ADAMTS20: variants seen among roughly 807,000 people sequenced by gnomAD.
The protein encoded by ADAMTS20 is ADAM metallopeptidase with thrombospondin type 1 motif 20, also known as A disintegrin and metalloproteinase with thrombospondin motifs 20.
A neutral mutation model predicts 260.1 loss-of-function variants in ADAMTS20; 225 were observed. The ratio of observed to expected loss-of-function variants is 0.87; its 90% confidence interval spans 0.78 to 0.97. The LOEUF (loss-of-function observed/expected upper bound fraction) is 0.97. ADAMTS20 is among the 50% of genes least tolerant of loss of function. The pLI is 0.00. For missense variants in ADAMTS20, 2,400 were observed against 2,337.7 expected (o/e 1.03, Z -0.55); for synonymous variants, 802 against 769.5 (o/e 1.04, Z -0.70).
At chr12:43,448,412 T>G (rs925400822) in intron 14 of ADAMTS20, among the ~76,000 whole-genome samples, 2 of 152,162 alleles carry the variant, frequency 1.3e-5, no homozygotes, top group Non-Finnish European at 2.9e-5. Context: ...ATTCAATAAA[T>G]GGTGCTGGGA....
intron 28 of ADAMTS20, among the ~76,000 whole-genome samples, chr12:43,419,727 CACACACACACAA>C (rs1222946595): frequency 3.3e-5 from 5 of 151,632 alleles, no homozygotes; most frequent in Admixed American, 6.6e-5. Flanking sequence ...AACATTATAA[CACACACACACAA>C]ACACACACAC....
In ADAMTS20 at chr12:43,502,281, T is replaced by A. The variant is rs754991575; in HGVS notation, c.738A>T (p.Arg246Ser). The A allele has an allele frequency of 6.2e-7, 1 of 1,612,052 alleles. No individual in the cohort carries two copies. The highest frequency in any genetic ancestry group is 8.5e-7 in the Non-Finnish European group (1 of 1,179,348). Residue 246 changes from arginine (R) to serine (S), a missense_variant, in exon 4 of 39, where the codon AGA becomes AGT. Arg to Ser is a moderately radical substitution (Grantham distance 110). Transcript: ENST00000389420. ...TSKNVPLKDE[R>S]RHSRKKRLIS... The stretch of plus-strand genomic sequence containing the variant: ...TAAGACGTTTTTTCCTGGAATGTCT[T>A]CTTTCATCTTTCAATGGTACATTTT...
intron 3 of ADAMTS20, among the ~76,000 whole-genome samples, chr12:43,523,823 C>T (rs1204247716): frequency 6.6e-6 from 1 of 151,886 alleles, no homozygotes; most frequent in Non-Finnish European, 1.5e-5. Context: ...CAAGGACTTG[C>T]CTGACCCAGC....
At chr12:43,496,552 T>G (rs1420514308) in intron 4 of ADAMTS20, among the ~76,000 whole-genome samples, 1 of 152,202 alleles carries the variant, frequency 6.6e-6, no homozygotes, top group Non-Finnish European at 1.5e-5. Context: ...CCCTAGGCAG[T>G]CAGCAGACCT....
At chr12:43,547,779 G>A (rs567586783) in intron 2 of ADAMTS20, among the ~76,000 whole-genome samples, 2 of 152,270 alleles carry the variant, frequency 1.3e-5, no homozygotes, top group East Asian at 3.9e-4. Context: ...AATTCAGAGG[G>A]ATATACAGCA....
rs1166947792 is a variant in ADAMTS20, at chr12:43,551,930, C to A, written c.-9G>T. 1 of 1,612,894 alleles carries A rather than the reference C, an allele frequency of 6.2e-7. No individual in the cohort carries two copies. Among genetic ancestry groups the A allele is most frequent in the East Asian group, 2.2e-5 (1 of 44,848 alleles). ...CACTTGGCCACCCACATGGTTCCACCCTGGGGACCCCGATCGGGGAGGCCC... is the reference window on the plus strand; with the variant it reads ...CACTTGGCCACCCACATGGTTCCACACTGGGGACCCCGATCGGGGAGGCCC... On this transcript the variant is annotated 5_prime_UTR_variant, in exon 1 of 39. Coordinates refer to ENST00000389420, the MANE Select transcript of ADAMTS20 (RefSeq NM_025003.5). This position sits in a 1 kb window ranked among gnomAD's most constrained non-coding sequence, Gnocchi z 4.6.
At chr12:43,445,212 T>G (rs781224524) in intron 15 of ADAMTS20, among the ~76,000 whole-genome samples, 16 of 152,214 alleles carry the variant, frequency 1.1e-4, no homozygotes, top group Non-Finnish European at 2.1e-4. Context: ...GCAAACTGAT[T>G]AATGCACAGT....
At chr12:43,493,370 A>G in intron 4 of ADAMTS20, 117 bp from the exon 5 acceptor site, 2 of 702,962 alleles carry the variant, frequency 2.8e-6, no homozygotes, top group Non-Finnish European at 4.7e-6. Flanking sequence ...GGAATCTTGG[A>G]ATCTCTTAGA....
At chr12:43,518,043 A>C (rs1487536688) in intron 3 of ADAMTS20, among the ~76,000 whole-genome samples, 1 of 152,086 alleles carries the variant, frequency 6.6e-6, no homozygotes, top group African/African-American at 2.4e-5. Flanking sequence ...TTGATAAATC[A>C]AGTTCTTATT....
chr12:43,353,206 T>C (rs952793929), downstream of ADAMTS20, among the ~76,000 whole-genome samples: 1 of 152,092 alleles, frequency 6.6e-6, no homozygotes, highest in Admixed American at 6.5e-5. Context: ...TGCCAATTAA[T>C]AGTTAATTTT....
intron 9 of ADAMTS20, among the ~76,000 whole-genome samples, chr12:43,466,351 T>C (rs1159360131): frequency 1.3e-5 from 2 of 151,864 alleles, no homozygotes; most frequent in Non-Finnish European, 2.9e-5. Flanking sequence ...GGAATTCCCA[T>C]TAAGTCTCCC....
chr12:43,398,035 A>G (rs568026372), intron 29 of ADAMTS20, among the ~76,000 whole-genome samples: 1 of 152,156 alleles, frequency 6.6e-6, no homozygotes, highest in Non-Finnish European at 1.5e-5. Context: ...TCCCCAATAG[A>G]CATAACTCAA....
intron 7 of ADAMTS20, among the ~76,000 whole-genome samples, chr12:43,487,163 T>G (rs547066750): frequency 7.2e-5 from 11 of 152,096 alleles, no homozygotes; most frequent in African/African-American, 2.4e-4. Context: ...CAAAAATACC[T>G]AACTATCCAT....
chr12:43,499,432 G>A (rs542485640), intron 4 of ADAMTS20, among the ~76,000 whole-genome samples: 1 of 151,682 alleles, frequency 6.6e-6, no homozygotes, highest in Admixed American at 6.6e-5. Context: ...CTTCCATGGA[G>A]AACTTTAGTT....
chr12:43,432,637 A>G lies in ADAMTS20; in HGVS notation c.2895T>C (p.Cys965=). The G allele has an allele frequency of 6.2e-7, 1 of 1,613,980 alleles. No homozygotes were observed. The highest frequency in any genetic ancestry group is 8.5e-7 in the Non-Finnish European group (1 of 1,179,866). The change falls in exon 20 of 39, where the codon TGT becomes TGC. Residue 965 remains cysteine, a synonymous_variant. Coordinates refer to ENST00000389420, the MANE Select transcript of ADAMTS20 (RefSeq NM_025003.5). The stretch of plus-strand genomic sequence containing the variant: ...CTGAATAATGCCATCTTGTGAAGAC[A>G]CAGTTACCATGGCATAGTTCTTGGG... ...PPTQELCHGN[C]VFTRWHYSEW...
At chr12:43,434,395 A>T in intron 18 of ADAMTS20, 24 bp from the exon 19 acceptor site, 1 of 1,547,448 alleles carries the variant, frequency 6.5e-7, no homozygotes, top group Non-Finnish European at 8.7e-7. Flanking sequence ...AAATGAAAAT[A>T]AAAAATGAAA....
At chr12:43,513,826 C>A (rs925139778) in intron 3 of ADAMTS20, among the ~76,000 whole-genome samples, 22 of 151,014 alleles carry the variant, frequency 1.5e-4, no homozygotes, top group African/African-American at 5.1e-4. Context: ...AAAACAAACA[C>A]CGCATGTTCT....
In ADAMTS20 at chr12:43,551,952, GC is replaced by G; in HGVS notation, c.-32del. 6.3e-7 allele frequency: 1 copy of G among 1,589,258 alleles called. No individual in the cohort carries two copies. The highest frequency in any genetic ancestry group is 8.6e-7 in the Non-Finnish European group (1 of 1,159,686). ...CACCCTGGGGACCCCGATCGGGGAG[GC>G]CCACCAGAGCCGCCGGCAGCCAAGC... On this transcript the variant is annotated 5_prime_UTR_variant, in exon 1 of 39. Transcript: ENST00000389420. This position sits in a 1 kb window ranked among gnomAD's most constrained non-coding sequence, Gnocchi z 4.6.
At chr12:43,492,016 T>A in intron 6 of ADAMTS20, among the ~76,000 whole-genome samples, 1 of 152,230 alleles carries the variant, frequency 6.6e-6, no homozygotes. Context: ...AATAGAAGAA[T>A]GCTTTTATTC....
Sources: gnomAD v4.1 joint callset for allele counts (sites outside exome capture counted in the v4.1 genomes callset) on GRCh38, gnomAD v4.1.1 for gene constraint, Gnocchi (gnomAD v3.1) non-coding constraint, MANE v1.5 for transcripts, NCBI Gene and HGNC (gene_info 2026-07-23, HGNC 2026-07-21) for gene names.